Variants in FRK observed in about 807,000 individuals in gnomAD.
FRK encodes tyrosine-protein kinase FRK.
In FRK, 51 loss-of-function variants were observed where a neutral mutation model predicts 56.4. That is an observed-to-expected ratio of 0.90 (90% CI 0.72 to 1.14). The LOEUF is 1.14. Ranked by LOEUF, FRK falls within the 50% of genes most tolerant of loss-of-function variation. The pLI is 0.00. For synonymous variants in FRK, 245 were observed against 217.9 expected, an observed-to-expected ratio of 1.12 and a Z score of -1.10; for missense variants, 570 against 601.4, an observed-to-expected ratio of 0.95 and a Z score of 0.55.
At chr6:115,956,267 CT>C (rs977877162) in intron 5 of FRK, among the ~76,000 whole-genome samples, 184 bp downstream of exon 5, 1 of 152,166 alleles carries the variant, frequency 6.6e-6, no homozygotes, top group Non-Finnish European at 1.5e-5. Flanking sequence ...TATTTTCCAC[CT>C]TTTGAATATA....
In FRK at chr6:115,942,205, G is replaced by T; in HGVS notation, c.*209C>A. 2.2e-6 allele frequency: 1 copy of T among 464,190 alleles called. No homozygotes were observed. The highest frequency in any genetic ancestry group is 3.9e-6 in the Non-Finnish European group (1 of 258,800). The allele number at this position is 464,190 out of a possible 1,614,324, so 28.8% of individuals were successfully genotyped here. A position where few individuals can be genotyped will look rare whatever the true frequency, so the allele number is the denominator to read the frequency against. On this transcript the variant is annotated 3_prime_UTR_variant, in exon 8 of 8. Coordinates refer to ENST00000606080, the MANE Select transcript of FRK (RefSeq NM_002031.3). ...GTGCTTAATTTTACCAGGCAGTGAG[G>T]AAATTATATATCACCTTGACTGTCC...
At chr6:116,096,995 G>A in the FRK span, among the ~76,000 whole-genome samples, 85,989 of 151,930 alleles carry the variant, frequency 0.57, 24,683 homozygotes, top group East Asian at 0.81. Flanking sequence ...CTCCATCATC[G>A]AAAATAAATT....
chr6:116,094,121 G>A, the FRK span, among the ~76,000 whole-genome samples: 1 of 152,146 alleles, frequency 6.6e-6, no homozygotes. Context: ...GGTTTTCAAG[G>A]ATACCTTAAA....
At chr6:116,058,154 T>A (rs1777466496) in intron 1 of FRK, among the ~76,000 whole-genome samples, 2 of 152,146 alleles carry the variant, frequency 1.3e-5, no homozygotes, top group Admixed American at 1.3e-4. Context: ...ATAATATACA[T>A]GTTATGCCAA....
At chr6:116,075,396 GC>G in the FRK span, among the ~76,000 whole-genome samples, 1 of 148,548 alleles carries the variant, frequency 6.7e-6, no homozygotes, top group Non-Finnish European at 1.5e-5. Context: ...CACAAAGTAA[GC>G]CCCCAAAAAA....
chr6:115,954,293 A>G, intron 5 of FRK, among the ~76,000 whole-genome samples: 1 of 152,242 alleles, frequency 6.6e-6, no homozygotes, highest in Non-Finnish European at 1.5e-5. Flanking sequence ...GAGCCAGGCC[A>G]TGCAGGACTT....
intron 1 of FRK, among the ~76,000 whole-genome samples, chr6:116,015,559 GT>G (rs749991961): frequency 2.0e-5 from 3 of 152,318 alleles, no homozygotes; most frequent in East Asian, 1.9e-4. Flanking sequence ...ATGTTGGACA[GT>G]TTGGAGGGCT....
intron 4 of FRK, among the ~76,000 whole-genome samples, chr6:115,959,429 T>C (rs1335676259): frequency 6.6e-6 from 1 of 152,150 alleles, no homozygotes; most frequent in Non-Finnish European, 1.5e-5. Context: ...AAAAGAATTA[T>C]TAGATTGGAC....
intron 1 of FRK, among the ~76,000 whole-genome samples, chr6:116,043,873 C>T (rs546844447): frequency 6.6e-6 from 1 of 151,946 alleles, no homozygotes; most frequent in Non-Finnish European, 1.5e-5. Flanking sequence ...AGAGAAGAAT[C>T]AATTAGACAT....
At chr6:116,066,816 G>A in the FRK span, among the ~76,000 whole-genome samples, 4 of 152,102 alleles carry the variant, frequency 2.6e-5, no homozygotes, top group African/African-American at 9.7e-5. Context: ...CATTTGGATG[G>A]ATCTTTCTGT....
At chr6:116,052,674 A>T (rs1197271238) in intron 1 of FRK, among the ~76,000 whole-genome samples, 1 of 152,126 alleles carries the variant, frequency 6.6e-6, no homozygotes, top group Non-Finnish European at 1.5e-5. Flanking sequence ...TTGAAGGATA[A>T]GTTAAGCTGG....
intron 2 of FRK, among the ~76,000 whole-genome samples, chr6:115,986,202 A>G (rs1475019878): frequency 6.6e-6 from 1 of 152,086 alleles, no homozygotes; most frequent in Non-Finnish European, 1.5e-5. Flanking sequence ...AGGGGCAACC[A>G]TGACAAACAG....
intron 5 of FRK, among the ~76,000 whole-genome samples, chr6:115,951,668 T>G (rs1366747077): frequency 2.6e-5 from 4 of 152,216 alleles, no homozygotes; most frequent in Non-Finnish European, 5.9e-5. Context: ...AATATGTATG[T>G]TATTTCAACT....
At chr6:115,952,823 C>CA (rs1445653063) in intron 5 of FRK, among the ~76,000 whole-genome samples, 3 of 149,698 alleles carry the variant, frequency 2.0e-5, no homozygotes, top group South Asian at 2.1e-4. Flanking sequence ...ATCGCAAGGA[C>CA]AAAAAACCAA....
the FRK span, among the ~76,000 whole-genome samples, chr6:116,085,808 A>G: frequency 6.6e-6 from 1 of 152,140 alleles, no homozygotes; most frequent in Non-Finnish European, 1.5e-5. Context: ...GCACTTTTGT[A>G]TTCTCCTTGG....
intron 6 of FRK, 27 bp from the exon 7 acceptor site, chr6:115,943,212 G>A (rs550507766): frequency 6.2e-5 from 95 of 1,523,310 alleles, no homozygotes; most frequent in Admixed American, 1.2e-4. Flanking sequence ...GAATCAGGCC[G>A]AGTTAAAGCA....
chr6:116,096,377 T>C, the FRK span, among the ~76,000 whole-genome samples: 5 of 152,180 alleles, frequency 3.3e-5, no homozygotes, highest in African/African-American at 7.2e-5. Context: ...AGCTAAAGGA[T>C]TGTAAATGTA....
At chr6:116,055,088 A>G (rs1458515725) in intron 1 of FRK, among the ~76,000 whole-genome samples, 1 of 152,210 alleles carries the variant, frequency 6.6e-6, no homozygotes, top group African/African-American at 2.4e-5. Context: ...GCCTCACTCT[A>G]TTTTAAAACG....
chr6:116,087,286 T>A, the FRK span, among the ~76,000 whole-genome samples: 1 of 152,200 alleles, frequency 6.6e-6, no homozygotes, highest in Non-Finnish European at 1.5e-5. Flanking sequence ...AACTGAGAAG[T>A]AAGAAGCCAA....
Sources: gnomAD v4.1 joint callset for allele counts (sites outside exome capture counted in the v4.1 genomes callset) on GRCh38, gnomAD v4.1.1 for gene constraint, MANE v1.5 for transcripts, NCBI Gene and HGNC (gene_info 2026-07-23, HGNC 2026-07-21) for gene names.